SHCBP1: variants seen among roughly 807,000 people sequenced by gnomAD.
The protein encoded by SHCBP1 is SHC SH2 domain-binding protein 1.
In SHCBP1, 60 loss-of-function variants were observed where a neutral mutation model predicts 75.1. That is an observed-to-expected ratio of 0.80 (90% confidence interval 0.65 to 0.99). The LOEUF (loss-of-function observed/expected upper bound fraction) is 0.99, where lower values mean the gene tolerates loss of function less well. Ranked by LOEUF, SHCBP1 falls within the 50% of genes least tolerant of loss-of-function variation. The pLI is 0.00. For missense variants in SHCBP1, 709 were observed against 809.4 expected (o/e 0.88, Z 1.50); for synonymous variants, 290 against 293.2 (o/e 0.99, Z 0.11).
rs1191751088 is a variant in SHCBP1, at chr16:46,616,707, C to T, written c.388-553G>A. 6.6e-6 allele frequency among the ~76,000 whole-genome samples: 1 copy of T among 152,174 alleles called. No homozygotes were observed. Among genetic ancestry groups the T allele is most frequent in the African/African-American group, 2.4e-5 (1 of 41,424 alleles). ...ATACAATGAGAAGCCATAAAGCCAA[C>T]ACTAAGCCCTTGGTAAAGACAATAT... On this transcript the variant is annotated intron_variant, in intron 3 of 12. Coordinates refer to ENST00000303383, the MANE Select transcript of SHCBP1 (RefSeq NM_024745.5). This position sits in a 1 kb window ranked among gnomAD's most constrained non-coding sequence, Gnocchi z 4.4.
intron 7 of SHCBP1, 127 bp from the exon 8 acceptor site, chr16:46,603,786 T>C (rs1210162894): frequency 3.7e-6 from 5 of 1,361,892 alleles, no homozygotes; most frequent in Non-Finnish European, 5.1e-6. Flanking sequence ...AGCATCTCCT[T>C]TGATAGCGCA....
chr16:46,616,989 C>G lies in SHCBP1; in HGVS notation c.387+645G>C, dbSNP rs192401992. ...TGCAGCAACAACTTGTATTCACACT[C>G]CCTGGTTTGACATTTTAGTTTACTA... On this transcript the variant is annotated intron_variant, in intron 3 of 12. Coordinates refer to ENST00000303383, the MANE Select transcript of SHCBP1 (RefSeq NM_024745.5). The surrounding 1 kb of genome is among the most constrained non-coding windows in gnomAD (Gnocchi z 4.4). Among the ~76,000 whole-genome samples, 68 of 152,300 alleles carry G rather than the reference C, an allele frequency of 4.5e-4. No homozygotes were observed. The highest frequency in any genetic ancestry group is 4.3e-3 in the Admixed American group (65 of 15,290).
intron 4 of SHCBP1, among the ~76,000 whole-genome samples, chr16:46,608,845 C>T (rs1034960772): frequency 3.9e-5 from 6 of 152,174 alleles, no homozygotes; most frequent in African/African-American, 1.2e-4. Flanking sequence ...ATGATTCACC[C>T]GCCTCGGACT....
At chr16:46,592,216 G>A (rs1965057613) in intron 10 of SHCBP1, among the ~76,000 whole-genome samples, 2 of 151,868 alleles carry the variant, frequency 1.3e-5, no homozygotes, top group Admixed American at 6.6e-5. Context: ...ACAAAGAGTT[G>A]GTTCTCAAAA....
At chr16:46,617,781 G>C in intron 2 of SHCBP1, 32 bp from the exon 3 acceptor site, 1 of 1,507,656 alleles carries the variant, frequency 6.6e-7, no homozygotes, top group Non-Finnish European at 9.2e-7. Flanking sequence ...GAAGAATTGA[G>C]AATGCATAAA....
Position 46,578,875 on chromosome 16 carries a change from T to C in SHCBP1, c.*2854A>G, listed in dbSNP as rs1266474015. ...TTACAAAGAAACATGAACGACACGG[T>C]TCTTATGAGCTCATCAGTGTTCTAT... On this transcript the variant is annotated 3_prime_UTR_variant, in exon 13 of 13. Coordinates refer to ENST00000303383, the MANE Select transcript of SHCBP1 (RefSeq NM_024745.5). 6.6e-6 allele frequency among the ~76,000 whole-genome samples: 1 copy of C among 152,070 alleles called. No homozygotes were observed. Among genetic ancestry groups the C allele is most frequent in the African/African-American group, 2.4e-5 (1 of 41,418 alleles).
intron 4 of SHCBP1, among the ~76,000 whole-genome samples, 164 bp downstream of exon 4, chr16:46,615,782 T>G (rs1965486602): frequency 6.6e-6 from 1 of 152,166 alleles, no homozygotes; most frequent in African/African-American, 2.4e-5. Flanking sequence ...ATTTTTAATT[T>G]TTTTTAATTT....
At chr16:46,600,067 G>A in intron 8 of SHCBP1, 105 bp from the exon 9 acceptor site, 2 of 1,263,418 alleles carry the variant, frequency 1.6e-6, no homozygotes, top group East Asian at 2.5e-5. Flanking sequence ...AGATGATAAT[G>A]AGACCAGTCA....
chr16:46,612,436 G>A (rs950280544), intron 4 of SHCBP1, among the ~76,000 whole-genome samples: 12 of 152,168 alleles, frequency 7.9e-5, no homozygotes, highest in Non-Finnish European at 1.6e-4. Context: ...AGATTGGGCT[G>A]TTAGTCCCTT....
Position 46,618,349 on chromosome 16 carries a change from A to T in SHCBP1, c.127T>A (p.Cys43Ser). Residue 43 changes from cysteine (C) to serine (S), a missense_variant, in exon 2 of 13, where the codon TGC (cysteine) becomes AGC (serine). Coordinates refer to ENST00000303383, the MANE Select transcript of SHCBP1 (RefSeq NM_024745.5). Reference sequence around the variant, plus strand: ...TTATCACGGTAGCTACAATCACTGCATGAATCTTCATCTTGGAACAAACCT... The same window carrying T: ...TTATCACGGTAGCTACAATCACTGCTTGAATCTTCATCTTGGAACAAACCT... ...EKGLFQDEDS[C>S]SDCSYRDKPG... is the part of the protein sequence containing the mutation. 1 of 1,602,370 alleles carries T rather than the reference A, an allele frequency of 6.2e-7. No individual in the cohort carries two copies.
chr16:46,599,258 T>C (rs986803998), intron 9 of SHCBP1, among the ~76,000 whole-genome samples: 1 of 152,216 alleles, frequency 6.6e-6, no homozygotes, highest in African/African-American at 2.4e-5. Context: ...TTCCTCACTA[T>C]GTTAAACATT....
At position 46,583,521 on chromosome 16, in the gene SHCBP1, G is replaced by C; in HGVS notation, c.1688C>G (p.Thr563Ser). The stretch of plus-strand genomic sequence containing the variant: ...TTAAAAATTACTAAATATACCTTCA[G>C]TTCCATCTTCAGCATTTTCTTGCAG... Reference protein sequence around the residue: ...SDLQENAEDGTEENKALKIQT... With the variant: ...SDLQENAEDGSEENKALKIQT... The change falls in exon 12 of 13, where the codon ACT (threonine) becomes AGT (serine). Residue 563 changes from threonine (T) to serine (S), a missense_variant. Thr to Ser is a moderately conservative substitution (Grantham distance 58, BLOSUM62 1). Coordinates refer to ENST00000303383, the MANE Select transcript of SHCBP1 (RefSeq NM_024745.5). The C allele has an allele frequency of 6.3e-7, 1 of 1,594,612 alleles. No individual in the cohort carries two copies. Among genetic ancestry groups the C allele is most frequent in the Non-Finnish European group, 8.5e-7 (1 of 1,175,654 alleles).
At chr16:46,615,815 G>A in intron 4 of SHCBP1, 131 bp downstream of exon 4, 2 of 694,218 alleles carry the variant, frequency 2.9e-6, no homozygotes, top group East Asian at 2.5e-5. Flanking sequence ...CCTATCTTTG[G>A]ATATTTTTAA....
At chr16:46,615,318 T>C (rs1169473218) in intron 4 of SHCBP1, among the ~76,000 whole-genome samples, 3 of 152,220 alleles carry the variant, frequency 2.0e-5, no homozygotes, top group South Asian at 2.1e-4. Flanking sequence ...TCAAATGTTA[T>C]ACTCAGATTT....
At chr16:46,600,189 C>CT (rs1373416924) in intron 8 of SHCBP1, among the ~76,000 whole-genome samples, 1 of 152,196 alleles carries the variant, frequency 6.6e-6, no homozygotes, top group Admixed American at 6.5e-5. Context: ...ATCAGGAAGA[C>CT]TACCCTATCA....
At position 46,615,958 on chromosome 16, in the gene SHCBP1, A is replaced by G. The variant is rs367816466; in HGVS notation, c.584T>C (p.Ile195Thr). 13 of 1,614,046 alleles carry G rather than the reference A, an allele frequency of 8.1e-6. No individual in the cohort carries two copies. The highest frequency in any genetic ancestry group is 1.1e-5 in the Non-Finnish European group (13 of 1,180,028). ...SGVFDQTALA[I>T]EHVRFFYQNI... Reference sequence around the variant, plus strand: ...CTTCTTTTCCTACCTGACATGCTCAATTGCAAGGGCTGTCTGGTCAAACAC... The same window carrying G: ...CTTCTTTTCCTACCTGACATGCTCAGTTGCAAGGGCTGTCTGGTCAAACAC... The change falls in exon 4 of 13, where the codon ATT (isoleucine) becomes ACT (threonine). Residue 195 changes from isoleucine (I) to threonine (T), a missense_variant. Ile to Thr is a moderately conservative substitution (Grantham distance 89). Coordinates refer to ENST00000303383, the MANE Select transcript of SHCBP1 (RefSeq NM_024745.5).
Position 46,581,560 on chromosome 16 carries a change from G to A in SHCBP1, c.*169C>T. 1 of 585,768 alleles carries A rather than the reference G, an allele frequency of 1.7e-6. No individual in the cohort carries two copies. Among genetic ancestry groups the A allele is most frequent in the Non-Finnish European group, 3.0e-6 (1 of 338,296 alleles). The allele number at this position is 585,768 out of a possible 1,614,324, so 36.3% of individuals were successfully genotyped here. A position where few individuals can be genotyped will look rare whatever the true frequency, so the allele number is the denominator to read the frequency against. On this transcript the variant is annotated 3_prime_UTR_variant, in exon 13 of 13. Coordinates refer to ENST00000303383, the MANE Select transcript of SHCBP1 (RefSeq NM_024745.5). ...CATTTATGATTTTTCTTATAAAGAG[G>A]GAGTGTTTTATGTGCAACACCTGCA...
chr16:46,583,943 A>G lies in SHCBP1; in HGVS notation c.1551+60T>C, dbSNP rs562307082. On this transcript the variant is annotated intron_variant, in intron 11 of 12. Coordinates refer to ENST00000303383, the MANE Select transcript of SHCBP1 (RefSeq NM_024745.5). ...ATAGAACCCAACAATTTAATAAAGC[A>G]TAATTTGTAGGTAAAACCATTCTAT... is the stretch of plus-strand genomic sequence containing the variant. 20 of 1,401,250 alleles carry G rather than the reference A, an allele frequency of 1.4e-5. No homozygotes were observed. The East Asian group carries it at 4.8e-4, about 33-fold the overall frequency. 86.8% of individuals were successfully genotyped at this position (1,401,250 alleles called of 1,614,324 possible).
intron 10 of SHCBP1, among the ~76,000 whole-genome samples, chr16:46,587,714 G>C (rs1964974270): frequency 6.6e-6 from 1 of 151,970 alleles, no homozygotes; most frequent in Admixed American, 6.6e-5. Flanking sequence ...CAATAATAAT[G>C]GGAGACTTTA....
Sources: gnomAD v4.1 joint callset for allele counts (sites outside exome capture counted in the v4.1 genomes callset) on GRCh38, gnomAD v4.1.1 for gene constraint, Gnocchi (gnomAD v3.1) non-coding constraint, MANE v1.5 for transcripts, NCBI Gene and HGNC (gene_info 2026-07-23, HGNC 2026-07-21) for gene names.